STRBP: variants seen among roughly 807,000 people sequenced by gnomAD.
STRBP encodes the protein spermatid perinuclear RNA-binding protein.
Under a neutral mutation model 80.1 loss-of-function variants are expected in STRBP, and 13 were observed. That is an observed-to-expected ratio of 0.16 (90% confidence interval 0.11 to 0.26). The LOEUF is 0.26. Ranked by LOEUF, STRBP falls within the 10% of genes least tolerant of loss-of-function variation. The pLI, the probability that STRBP is intolerant of heterozygous loss-of-function variation, is 1.00. For synonymous variants in STRBP, 284 were observed against 291.2 expected (o/e 0.98, Z 0.25); for missense variants, 485 against 815.2 (o/e 0.59, Z 4.93).
chr9:123,165,235 C>T (rs953844162), intron 6 of STRBP, among the ~76,000 whole-genome samples: 5 of 147,580 alleles, frequency 3.4e-5, no homozygotes, highest in African/African-American at 1.3e-4. Context: ...GAGCCGAGAT[C>T]GCACCACTGC....
chr9:123,248,602 A>C (rs1304683116), intron 1 of STRBP, among the ~76,000 whole-genome samples: 1 of 152,204 alleles, frequency 6.6e-6, no homozygotes, highest in Admixed American at 6.5e-5. Context: ...AAAAACCTGT[A>C]AAAATACTGG....
chr9:123,155,119 A>G (rs1355415639), intron 11 of STRBP, among the ~76,000 whole-genome samples: 1 of 152,220 alleles, frequency 6.6e-6, no homozygotes, highest in Non-Finnish European at 1.5e-5. Context: ...AGGGAGGGAA[A>G]AGCAAAGACA....
intron 17 of STRBP, among the ~76,000 whole-genome samples, chr9:123,129,283 G>A (rs1259827600): frequency 6.6e-6 from 1 of 152,128 alleles, no homozygotes; most frequent in Non-Finnish European, 1.5e-5. Flanking sequence ...CTTGAGCCCA[G>A]GAGGTCGAGG....
intron 1 of STRBP, among the ~76,000 whole-genome samples, chr9:123,260,127 T>C (rs1156452768): frequency 6.6e-6 from 1 of 152,094 alleles, no homozygotes; most frequent in African/African-American, 2.4e-5. Flanking sequence ...TTAAAAAAAA[T>C]AGATGAAATA....
intron 1 of STRBP, among the ~76,000 whole-genome samples, chr9:123,252,294 T>C (rs71511562): frequency 0.027 from 4,066 of 152,324 alleles, 74 homozygotes; most frequent in Non-Finnish European, 0.043. Context: ...ATTCACTATG[T>C]GCCAGATACT....
intron 2 of STRBP, among the ~76,000 whole-genome samples, chr9:123,220,336 T>C (rs1201878226): frequency 6.6e-6 from 1 of 152,234 alleles, no homozygotes; most frequent in Non-Finnish European, 1.5e-5. Flanking sequence ...TAGGTTATTA[T>C]AGCCTATTGC....
chr9:123,267,244 T>C (rs1039459253), intron 1 of STRBP, among the ~76,000 whole-genome samples: 2 of 147,746 alleles, frequency 1.4e-5, no homozygotes, highest in Admixed American at 1.4e-4. Flanking sequence ...TACCTCAAAA[T>C]TCCCTCTCTT....
chr9:123,190,224 G>A (rs942325938), intron 2 of STRBP, among the ~76,000 whole-genome samples: 4 of 151,296 alleles, frequency 2.6e-5, no homozygotes, highest in African/African-American at 9.7e-5. Flanking sequence ...AAGTTGCAGT[G>A]AGCCAAGATC....
intron 2 of STRBP, among the ~76,000 whole-genome samples, chr9:123,223,497 A>T (rs916608697): frequency 6.6e-6 from 1 of 152,146 alleles, no homozygotes; most frequent in Admixed American, 6.6e-5. Flanking sequence ...TACATGCTCA[A>T]TTTTTATGTC....
intron 2 of STRBP, among the ~76,000 whole-genome samples, chr9:123,200,734 ATTTTTT>A (rs71390418): frequency 4.3e-4 from 16 of 37,512 alleles, no homozygotes; most frequent in East Asian, 1.7e-3. Context: ...CACCCCGCTA[ATTTTTT>A]TTTTTTTTTT....
chr9:123,144,729 A>G (rs1443872233), intron 13 of STRBP, among the ~76,000 whole-genome samples: 2 of 152,248 alleles, frequency 1.3e-5, no homozygotes, highest in Non-Finnish European at 2.9e-5. Flanking sequence ...AGTAACTTTT[A>G]GAAAACAAGA....
chr9:123,127,872 G>A (rs1268738217), intron 18 of STRBP, among the ~76,000 whole-genome samples: 6 of 152,230 alleles, frequency 3.9e-5, no homozygotes, highest in Non-Finnish European at 7.3e-5. Flanking sequence ...TTTAAAACTG[G>A]TAGGCAGCCA....
intron 2 of STRBP, among the ~76,000 whole-genome samples, chr9:123,223,747 T>C (rs1361834259): frequency 6.6e-6 from 1 of 152,180 alleles, no homozygotes; most frequent in East Asian, 1.9e-4. Context: ...CTCTTGGATT[T>C]TTTTCCTCTT....
chr9:123,162,449 C>A (rs2037562457), intron 6 of STRBP, among the ~76,000 whole-genome samples: 4 of 152,124 alleles, frequency 2.6e-5, no homozygotes, highest in African/African-American at 7.2e-5. Flanking sequence ...AACTCCTGGA[C>A]TCAAGCAATG....
At chr9:123,138,526 T>TC (rs1197249465) in intron 14 of STRBP, among the ~76,000 whole-genome samples, 1 of 152,210 alleles carries the variant, frequency 6.6e-6, no homozygotes, top group Non-Finnish European at 1.5e-5. Flanking sequence ...TGCTTTCTCT[T>TC]CCCCACACGG....
intron 11 of STRBP, among the ~76,000 whole-genome samples, chr9:123,154,843 T>C (rs1388384175): frequency 6.6e-6 from 1 of 152,216 alleles, no homozygotes; most frequent in East Asian, 1.9e-4. Context: ...TTTCCCAAAG[T>C]GCTGCTTATA....
chr9:123,169,871 T>TAC, intron 6 of STRBP, 31 bp downstream of exon 6: 6 of 978,240 alleles, frequency 6.1e-6, no homozygotes, highest in Non-Finnish European at 7.9e-6. Context: ...AACAAATATA[T>TAC]ACATATATAT....
At chr9:123,199,092 G>A (rs559949508) in intron 2 of STRBP, among the ~76,000 whole-genome samples, 4 of 152,120 alleles carry the variant, frequency 2.6e-5, no homozygotes, top group South Asian at 2.1e-4. Flanking sequence ...CTACAGGCAC[G>A]TGCCACCACA....
At chr9:123,199,751 ATTTG>A (rs776669929) in intron 2 of STRBP, among the ~76,000 whole-genome samples, 20 of 152,188 alleles carry the variant, frequency 1.3e-4, no homozygotes, top group East Asian at 7.7e-4. Flanking sequence ...AGTTTACTGA[ATTTG>A]TTTATCAAAT....
Sources: allele counts gnomAD v4.1 joint callset (sites outside exome capture counted in the v4.1 genomes callset), GRCh38; gene constraint gnomAD v4.1.1; transcripts MANE v1.5; gene names NCBI Gene and HGNC (gene_info 2026-07-23, HGNC 2026-07-21).